The following EHMT1 variants were observed in gnomAD, a reference collection of about 807,000 sequenced individuals.
EHMT1 encodes the protein euchromatic histone lysine methyltransferase 1.
A neutral mutation model predicts 147.2 loss-of-function variants in EHMT1; 15 were observed. That is an observed-to-expected ratio of 0.10 (90% CI 0.07 to 0.16). The LOEUF (loss-of-function observed/expected upper bound fraction) is 0.16. Ranked by LOEUF, EHMT1 falls within the 10% of genes least tolerant of loss-of-function variation. The probability of loss-of-function intolerance (pLI) is 1.00; values close to 1 mark genes in which losing one functional copy is unlikely to be tolerated. For synonymous variants in EHMT1, 795 were observed against 709.6 expected (o/e 1.12, Z -1.91); for missense variants, 1,587 against 1,772.4 (o/e 0.90, Z 1.88).
intron 25 of EHMT1, among the ~76,000 whole-genome samples, chr9:137,826,457 C>T (rs897598219): frequency 1.2e-4 from 19 of 152,360 alleles, no homozygotes; most frequent in African/African-American, 4.1e-4. Flanking sequence ...CTTTAGCCTC[C>T]AGGTGGCCCT....
chr9:137,633,530 TC>T (rs1161965881), intron 1 of EHMT1, among the ~76,000 whole-genome samples: 3 of 152,172 alleles, frequency 2.0e-5, no homozygotes, highest in Admixed American at 2.0e-4. Flanking sequence ...CCAGTATCAG[TC>T]CAGGAGCAGA....
rs187692072 is a variant in EHMT1 at position 137,772,161 on chromosome 9, T to C, written c.1648-2948T>C. Among the ~76,000 whole-genome samples the C allele has an allele frequency of 7.8e-3, 1,186 of 152,308 alleles. 25 individuals are homozygous for C. Among genetic ancestry groups the C allele is most frequent in the African/African-American group, 0.027 (1,133 of 41,574 alleles). ...TTAGCAATGCATATGGAGTTATTTATGGCTAAAATGGCATCATTTTACCCC... is the reference window on the plus strand; with the variant it reads ...TTAGCAATGCATATGGAGTTATTTACGGCTAAAATGGCATCATTTTACCCC... On this transcript the variant is annotated intron_variant, in intron 10 of 26. Coordinates refer to ENST00000460843, the MANE Select transcript of EHMT1 (RefSeq NM_024757.5).
chr9:137,824,583 T>C (rs1392935478), intron 25 of EHMT1, among the ~76,000 whole-genome samples: 1 of 152,204 alleles, frequency 6.6e-6, no homozygotes, highest in Non-Finnish European at 1.5e-5. Flanking sequence ...CTAAATCTGC[T>C]GGCCATTATC....
At chr9:137,677,741 C>G (rs565327583) in intron 1 of EHMT1, among the ~76,000 whole-genome samples, 1 of 152,000 alleles carries the variant, frequency 6.6e-6, no homozygotes, top group Non-Finnish European at 1.5e-5. Flanking sequence ...CTATATAACA[C>G]AACACTGTTG....
At chr9:137,769,808 A>G (rs1197916362) in intron 10 of EHMT1, among the ~76,000 whole-genome samples, 1 of 151,934 alleles carries the variant, frequency 6.6e-6, no homozygotes, top group East Asian at 1.9e-4. Flanking sequence ...ATTCTTAGCC[A>G]GCTATCACTT....
At chr9:137,631,885 GA>G (rs1045626794) in intron 1 of EHMT1, among the ~76,000 whole-genome samples, 1 of 151,662 alleles carries the variant, frequency 6.6e-6, no homozygotes, top group Non-Finnish European at 1.5e-5. Context: ...CTCAAAAAAA[GA>G]AAAAAAAGAT....
intron 1 of EHMT1, among the ~76,000 whole-genome samples, chr9:137,627,557 G>A (rs907799700): frequency 7.0e-6 from 1 of 142,504 alleles, no homozygotes; most frequent in Non-Finnish European, 1.5e-5. Flanking sequence ...GAGCCGCTGC[G>A]CCCGTGATTT....
At chr9:137,743,824 A>G (rs1948318438) in intron 5 of EHMT1, 78 bp from the exon 6 acceptor site, 1 of 1,511,046 alleles carries the variant, frequency 6.6e-7, no homozygotes. Context: ...CCAGTCACCC[A>G]AGACTCCTCA....
chr9:137,725,118 C>T (rs1356302272), intron 3 of EHMT1, among the ~76,000 whole-genome samples: 1 of 139,638 alleles, frequency 7.2e-6, no homozygotes, highest in Non-Finnish European at 1.5e-5. Context: ...AGGCGTGTGG[C>T]ATTCATGGGG....
chr9:137,812,649 G>A (rs1412287276), intron 19 of EHMT1, among the ~76,000 whole-genome samples: 3 of 152,276 alleles, frequency 2.0e-5, no homozygotes, highest in Non-Finnish European at 4.4e-5. Context: ...TGCTCACGCT[G>A]TGCGTGGCCC....
Position 137,775,969 on chromosome 9 carries a change from GTGTT to G in EHMT1, c.1792-646_1792-643del, listed in dbSNP as rs1950926741. Among the ~76,000 whole-genome samples, 1 of 152,126 alleles carries G rather than the reference GTGTT, an allele frequency of 6.6e-6. No individual in the cohort carries two copies. Among genetic ancestry groups the G allele is most frequent in the African/African-American group, 2.4e-5 (1 of 41,430 alleles). On this transcript the variant is annotated intron_variant, in intron 11 of 26. Coordinates refer to ENST00000460843, the MANE Select transcript of EHMT1 (RefSeq NM_024757.5). This position sits in a 1 kb window ranked among gnomAD's most constrained non-coding sequence, Gnocchi z 6.1. ...TGTCTGTGTGCGCCTGTGTGTGTGA[GTGTT>G]TGAGTGTGAGCTTCAGGCACCCAGA... is the stretch of plus-strand genomic sequence containing the variant.
chr9:137,689,270 G>A (rs1351318653), intron 1 of EHMT1, among the ~76,000 whole-genome samples: 2 of 152,210 alleles, frequency 1.3e-5, no homozygotes, highest in African/African-American at 2.4e-5. Flanking sequence ...CATTGTATGT[G>A]AGTTTGGTAT....
chr9:137,649,271 T>C (rs1845130464), intron 1 of EHMT1, among the ~76,000 whole-genome samples: 1 of 152,004 alleles, frequency 6.6e-6, no homozygotes, highest in African/African-American at 2.4e-5. Context: ...ACCAGCCTGG[T>C]CAACATGGGG....
At chr9:137,687,817 C>T (rs1354773124) in intron 1 of EHMT1, among the ~76,000 whole-genome samples, 1 of 152,214 alleles carries the variant, frequency 6.6e-6, no homozygotes, top group Non-Finnish European at 1.5e-5. Context: ...GTGCCACCCA[C>T]ATGAAGGCAG....
At chr9:137,697,824 A>C (rs1465261500) in intron 1 of EHMT1, among the ~76,000 whole-genome samples, 3 of 152,202 alleles carry the variant, frequency 2.0e-5, no homozygotes, top group African/African-American at 7.2e-5. Context: ...CTCCCCGTTA[A>C]GTTTTCCGTT....
At chr9:137,814,540 T>G in intron 22 of EHMT1, 32 bp downstream of exon 22, 1 of 1,599,942 alleles carries the variant, frequency 6.3e-7, no homozygotes, top group South Asian at 1.1e-5. Context: ...TGGGCTCAGG[T>G]GGTAAGTGCC....
At chr9:137,691,311 A>T (rs960364146) in intron 1 of EHMT1, among the ~76,000 whole-genome samples, 18 of 148,138 alleles carry the variant, frequency 1.2e-4, no homozygotes, top group African/African-American at 3.9e-4. Flanking sequence ...ATATGTAATT[A>T]TATATATATA....
intron 1 of EHMT1, among the ~76,000 whole-genome samples, chr9:137,649,518 A>G (rs1226286693): frequency 6.6e-6 from 1 of 152,128 alleles, no homozygotes; most frequent in African/African-American, 2.4e-5. Flanking sequence ...AGATCCACCC[A>G]TGACTTGAGA....
At chr9:137,834,078 C>T (rs1956420260) in intron 25 of EHMT1, 2 of 545,912 alleles carry the variant, frequency 3.7e-6, no homozygotes, top group Non-Finnish European at 6.6e-6. Flanking sequence ...CCCATGGGGA[C>T]GCCGTCAAGG....
Sources: gnomAD v4.1 joint callset for allele counts (sites outside exome capture counted in the v4.1 genomes callset) on GRCh38, gnomAD v4.1.1 for gene constraint, Gnocchi (gnomAD v3.1) non-coding constraint, MANE v1.5 for transcripts, NCBI Gene and HGNC (gene_info 2026-07-23, HGNC 2026-07-21) for gene names.